GRM5: variants seen among roughly 807,000 people sequenced by gnomAD.
GRM5 encodes glutamate metabotropic receptor 5.
A neutral mutation model predicts 83.1 loss-of-function variants in GRM5; 19 were observed. The observed-to-expected ratio is 0.23, with a 90% CI of 0.16 to 0.34. GRM5 has a LOEUF of 0.34. GRM5 is among the 10% of genes least tolerant of loss of function. The pLI, the probability that GRM5 is intolerant of heterozygous loss-of-function variation, is 1.00. For missense variants in GRM5, 1,160 were observed against 1,588.3 expected (o/e 0.73, Z 4.58); for synonymous variants, 675 against 633.6 (o/e 1.07, Z -0.98).
chr11:89,008,396 T>C (rs1940589950), intron 2 of GRM5, among the ~76,000 whole-genome samples: 1 of 152,164 alleles, frequency 6.6e-6, no homozygotes, highest in Non-Finnish European at 1.5e-5. Flanking sequence ...CTCTCCATTA[T>C]ATGTAAATAG....
At chr11:88,913,963 G>T (rs1945547537) in intron 2 of GRM5, among the ~76,000 whole-genome samples, 1 of 152,082 alleles carries the variant, frequency 6.6e-6, no homozygotes, top group Non-Finnish European at 1.5e-5. Context: ...ATGGTTTCCT[G>T]CTGCTTCTGC....
chr11:88,629,349 A>G (rs561609547), intron 4 of GRM5, among the ~76,000 whole-genome samples: 25 of 152,164 alleles, frequency 1.6e-4, no homozygotes, highest in Non-Finnish European at 2.6e-4. Context: ...TATGCGCCGT[A>G]CATATCTATA....
intron 2 of GRM5, among the ~76,000 whole-genome samples, chr11:89,008,845 A>G (rs1287335530): frequency 2.6e-5 from 4 of 152,190 alleles, no homozygotes; most frequent in Non-Finnish European, 5.9e-5. Context: ...AGAAGATAGA[A>G]GGAACAATAA....
intron 2 of GRM5, among the ~76,000 whole-genome samples, chr11:88,889,049 C>T (rs7119963): frequency 0.021 from 3,180 of 152,220 alleles, 98 homozygotes; most frequent in African/African-American, 0.071. Context: ...ATCAGATAAG[C>T]CAGTTTGTCA....
chr11:88,928,896 G>C (rs1052888910), intron 2 of GRM5, among the ~76,000 whole-genome samples: 2 of 30,188 alleles, frequency 6.6e-5, no homozygotes, highest in African/African-American at 1.6e-4. Flanking sequence ...GTACCTATGT[G>C]TATGTGTATA....
Position 89,029,892 on chromosome 11 carries a change from C to T in GRM5, c.661+17320G>A, listed in dbSNP as rs1242635354. Among the ~76,000 whole-genome samples the T allele has an allele frequency of 3.3e-5, 5 of 152,058 alleles. No homozygotes were observed. The East Asian group carries it at 5.8e-4, about 18-fold the overall frequency. ...CTGGGTTTCCAGGGAAACAGTGCCACGGGAAGCAACAAAAGAGACAACCAA... is the reference window on the plus strand; with the variant it reads ...CTGGGTTTCCAGGGAAACAGTGCCATGGGAAGCAACAAAAGAGACAACCAA... On this transcript the variant is annotated intron_variant, in intron 2 of 9. Transcript: ENST00000305447.
At chr11:88,765,436 T>C (rs887474451) in intron 3 of GRM5, among the ~76,000 whole-genome samples, 29 of 147,526 alleles carry the variant, frequency 2.0e-4, no homozygotes, top group Non-Finnish European at 1.2e-4. Context: ...GGACTCACAC[T>C]TTCCAATTTA....
At chr11:88,722,692 A>G (rs1941575864) in intron 3 of GRM5, among the ~76,000 whole-genome samples, 1 of 152,172 alleles carries the variant, frequency 6.6e-6, no homozygotes, top group Admixed American at 6.6e-5. Flanking sequence ...CTATGCTATA[A>G]TTTCTTTAAT....
intron 3 of GRM5, among the ~76,000 whole-genome samples, chr11:88,702,160 C>A (rs1392842390): frequency 6.6e-6 from 1 of 152,058 alleles, no homozygotes; most frequent in Non-Finnish European, 1.5e-5. Context: ...AGTTTACACA[C>A]TATCTAGTTA....
intron 2 of GRM5, among the ~76,000 whole-genome samples, chr11:89,017,318 C>T (rs1228050800): frequency 6.6e-6 from 1 of 152,116 alleles, no homozygotes. Context: ...TTATGCCCTA[C>T]AAAATAAACT....
intron 4 of GRM5, among the ~76,000 whole-genome samples, chr11:88,622,415 T>C (rs1938663594): frequency 6.6e-6 from 1 of 152,208 alleles, no homozygotes; most frequent in Non-Finnish European, 1.5e-5. Context: ...AAACGAACAT[T>C]TTCTAAATTA....
intron 3 of GRM5, among the ~76,000 whole-genome samples, chr11:88,806,313 A>G (rs1943498396): frequency 6.6e-6 from 1 of 152,218 alleles, no homozygotes; most frequent in Admixed American, 6.5e-5. Flanking sequence ...CAGAAATTCC[A>G]GGAATTCTCA....
At chr11:88,695,149 T>G (rs1940872219) in intron 3 of GRM5, among the ~76,000 whole-genome samples, 1 of 152,200 alleles carries the variant, frequency 6.6e-6, no homozygotes, top group Admixed American at 6.5e-5. Context: ...AGCAAAGAGC[T>G]TGCATGTCTC....
At chr11:88,899,075 T>C (rs1276478467) in intron 2 of GRM5, among the ~76,000 whole-genome samples, 1 of 151,978 alleles carries the variant, frequency 6.6e-6, no homozygotes, top group Non-Finnish European at 1.5e-5. Flanking sequence ...GTCAGTTTCC[T>C]AGGTTTCCGA....
chr11:88,570,098 C>T (rs550736682), intron 7 of GRM5, among the ~76,000 whole-genome samples: 1 of 152,188 alleles, frequency 6.6e-6, no homozygotes, highest in South Asian at 2.1e-4. Flanking sequence ...CTTATTTCTG[C>T]CCTGCTGCTG....
intron 8 of GRM5, among the ~76,000 whole-genome samples, chr11:88,534,914 A>C (rs73536301): frequency 0.017 from 2,592 of 152,204 alleles, 65 homozygotes; most frequent in African/African-American, 0.058. Context: ...TGATGGTTTG[A>C]TAAGGGGAAA....
At chr11:88,920,413 CAAAAAAAAAAAAA>C (rs1366234382) in intron 2 of GRM5, among the ~76,000 whole-genome samples, 1 of 41,082 alleles carries the variant, frequency 2.4e-5, no homozygotes, top group Admixed American at 3.5e-4. Context: ...TTCTCCCAGC[CAAAAAAAAAAAAA>C]AACCAAAAAA....
intron 2 of GRM5, among the ~76,000 whole-genome samples, chr11:88,865,389 C>A (rs1944644713): frequency 6.6e-6 from 1 of 152,120 alleles, no homozygotes; most frequent in Non-Finnish European, 1.5e-5. Context: ...CCTTTCCTTA[C>A]ACCTTTTACA....
At chr11:88,795,963 G>A (rs11021345) in intron 3 of GRM5, among the ~76,000 whole-genome samples, 3,863 of 152,216 alleles carry the variant, frequency 0.025, 172 homozygotes, top group African/African-American at 0.089. Flanking sequence ...TTAATGAAAC[G>A]TATTAGTAAT....
Sources: allele counts gnomAD v4.1 joint callset (sites outside exome capture counted in the v4.1 genomes callset), GRCh38; gene constraint gnomAD v4.1.1; transcripts MANE v1.5; gene names NCBI Gene and HGNC (gene_info 2026-07-23, HGNC 2026-07-21).